GHR: variants seen among roughly 807,000 people sequenced by gnomAD.
GHR encodes the protein GH receptor.
A neutral mutation model predicts 67.1 loss-of-function variants in GHR; 35 were observed. That is an observed-to-expected ratio of 0.52 (90% confidence interval 0.40 to 0.69). The LOEUF (loss-of-function observed/expected upper bound fraction) is 0.69. Among genes scored for constraint, GHR ranks in the 30% least tolerant of loss-of-function variants. The pLI, the probability that GHR is intolerant of heterozygous loss-of-function variation, is 0.00. For missense variants in GHR, 792 were observed against 764.6 expected, an observed-to-expected ratio of 1.04 and a Z score of -0.42; for synonymous variants, 272 against 269.1, an observed-to-expected ratio of 1.01 and a Z score of -0.10.
chr5:42,629,159 A>G, intron 3 of GHR, 56 bp downstream of exon 3: 1 of 894,038 alleles, frequency 1.1e-6, no homozygotes, highest in Non-Finnish European at 1.8e-6. Context: ...TTTTAGTGTA[A>G]TTAAGCTACT....
chr5:42,598,453 A>G (rs1010281718), intron 2 of GHR, among the ~76,000 whole-genome samples: 2 of 152,208 alleles, frequency 1.3e-5, no homozygotes, highest in African/African-American at 4.8e-5. Context: ...GCTGCTGGGT[A>G]GGGCTTGAGG....
At chr5:42,664,567 T>C (rs1014522121) in intron 3 of GHR, among the ~76,000 whole-genome samples, 4 of 152,184 alleles carry the variant, frequency 2.6e-5, no homozygotes, top group Non-Finnish European at 5.9e-5. Flanking sequence ...CTGGATCCCT[T>C]CCTTACACCT....
At chr5:42,593,137 C>T (rs1287667898) in intron 2 of GHR, among the ~76,000 whole-genome samples, 1 of 152,038 alleles carries the variant, frequency 6.6e-6, no homozygotes, top group Admixed American at 6.6e-5. Flanking sequence ...TTTAAAAAAC[C>T]TTATAATCAA....
intron 1 of GHR, among the ~76,000 whole-genome samples, chr5:42,557,084 G>A (rs190137394): frequency 1.3e-5 from 2 of 152,156 alleles, no homozygotes; most frequent in East Asian, 3.9e-4. Flanking sequence ...CAAACCTAAC[G>A]ACAACCACAT....
chr5:42,446,235 G>A (rs781222704), intron 1 of GHR, among the ~76,000 whole-genome samples: 4 of 152,176 alleles, frequency 2.6e-5, no homozygotes, highest in Non-Finnish European at 4.4e-5. Flanking sequence ...GCAAAGACTC[G>A]CTACAGTGGG....
chr5:42,438,667 C>G (rs940955388), intron 1 of GHR, among the ~76,000 whole-genome samples: 1 of 152,158 alleles, frequency 6.6e-6, no homozygotes, highest in African/African-American at 2.4e-5. Context: ...GGCCCTCAGA[C>G]CAGTAGCCAG....
chr5:42,669,803 A>C (rs1049606317), intron 3 of GHR, among the ~76,000 whole-genome samples: 4 of 152,240 alleles, frequency 2.6e-5, no homozygotes, highest in Non-Finnish European at 4.4e-5. Flanking sequence ...TAAAATACTT[A>C]GGAGTAAATT....
intron 1 of GHR, chr5:42,468,886 A>C (rs1393037632): frequency 5.3e-6 from 4 of 755,654 alleles, no homozygotes; most frequent in Non-Finnish European, 6.2e-6. Flanking sequence ...TCGGCGGCAC[A>C]TTCCTCCACG....
chr5:42,711,222 A>G lies in GHR; in HGVS notation c.634A>G (p.Thr212Ala). Residue 212 changes from threonine (T) to alanine (A), a missense_variant, in exon 7 of 10, where the codon ACA becomes GCA. Coordinates refer to ENST00000230882, the MANE Select transcript of GHR (RefSeq NM_000163.5). ...GTCTTGAAAGATGGACCCTATATTGACAACATCAGTTCCAGTGTACTCATT... is the reference window on the plus strand; with the variant it reads ...GTCTTGAAAGATGGACCCTATATTGGCAACATCAGTTCCAGTGTACTCATT... ...TKWKMMDPILTTSVPVYSLKV... is the reference protein window; with the variant it reads ...TKWKMMDPILATSVPVYSLKV... The G allele has an allele frequency of 1.2e-6, 2 of 1,613,260 alleles. No homozygotes were observed. Among genetic ancestry groups the G allele is most frequent in the African/African-American group, 1.3e-5 (1 of 75,020 alleles).
intron 1 of GHR, chr5:42,548,522 G>A (rs1472306062): frequency 1.0e-6 from 1 of 980,394 alleles, no homozygotes; most frequent in Non-Finnish European, 1.2e-6. Flanking sequence ...ATATCTGCCG[G>A]ACTATTGGTT....
intron 3 of GHR, among the ~76,000 whole-genome samples, chr5:42,668,419 T>C (rs115452798): frequency 0.011 from 1,650 of 152,178 alleles, 24 homozygotes; most frequent in African/African-American, 0.038. Flanking sequence ...ATCCCTGGCC[T>C]CAACCCACTA....
chr5:42,549,648 C>T, intron 1 of GHR: 4 of 984,744 alleles, frequency 4.1e-6, no homozygotes, highest in Non-Finnish European at 4.8e-6. Context: ...TGAGAAGATT[C>T]CTTTGTGGAC....
chr5:42,658,367 T>A (rs151235171), intron 3 of GHR, among the ~76,000 whole-genome samples: 45 of 152,332 alleles, frequency 3.0e-4, no homozygotes, highest in Non-Finnish European at 5.1e-4. Flanking sequence ...CTAACTTTCC[T>A]GAAGTTAAGT....
chr5:42,718,483 T>C lies in GHR; in HGVS notation c.976T>C (p.Leu326=). The stretch of plus-strand genomic sequence containing the variant: ...AAAATTAGAGGAGGTGAACACAATC[T>C]TAGCCATTCATGATAGCTATAAACC... ...EGKLEEVNTI[L]AIHDSYKPEF... The change falls in exon 10 of 10, where the codon TTA becomes CTA. Residue 326 remains leucine (L), a synonymous_variant. Transcript: ENST00000230882. 6.2e-7 allele frequency: 1 copy of C among 1,610,402 alleles called. No homozygotes were observed.
intron 1 of GHR, among the ~76,000 whole-genome samples, chr5:42,561,196 C>T (rs1484389037): frequency 6.6e-6 from 1 of 152,176 alleles, no homozygotes; most frequent in Non-Finnish European, 1.5e-5. Flanking sequence ...CCTTATCTGT[C>T]ATTTAGTTTT....
At chr5:42,485,843 C>T (rs1745854917) in intron 1 of GHR, among the ~76,000 whole-genome samples, 1 of 152,158 alleles carries the variant, frequency 6.6e-6, no homozygotes, top group Non-Finnish European at 1.5e-5. Flanking sequence ...TAAGTGCTAG[C>T]CTTTCATTGA....
intron 3 of GHR, among the ~76,000 whole-genome samples, chr5:42,664,432 T>C (rs1277219240): frequency 6.6e-6 from 1 of 152,096 alleles, no homozygotes; most frequent in African/African-American, 2.4e-5. Context: ...CCCTCAGAAA[T>C]AACACTGCAT....
intron 1 of GHR, among the ~76,000 whole-genome samples, chr5:42,496,781 T>C (rs1426881146): frequency 6.6e-6 from 1 of 152,144 alleles, no homozygotes; most frequent in Non-Finnish European, 1.5e-5. Flanking sequence ...TTTAAATCAG[T>C]GTGGTTTCTT....
At chr5:42,702,265 T>A (rs963594929) in intron 6 of GHR, among the ~76,000 whole-genome samples, 15 of 152,150 alleles carry the variant, frequency 9.9e-5, no homozygotes, top group African/African-American at 3.6e-4. Context: ...GTTCAACTTT[T>A]TTAGATTCTG....
Sources: allele counts gnomAD v4.1 joint callset (sites outside exome capture counted in the v4.1 genomes callset), GRCh38; gene constraint gnomAD v4.1.1; transcripts MANE v1.5; gene names NCBI Gene and HGNC (gene_info 2026-07-23, HGNC 2026-07-21).